MPP4: variants seen among roughly 807,000 people sequenced by gnomAD.
MPP4 encodes MAGUK p55 scaffold protein 4, also known as MAGUK p55 subfamily member 4.
In MPP4, 91 loss-of-function variants were observed where a neutral mutation model predicts 98.3. The observed-to-expected ratio is 0.93, with a 90% confidence interval of 0.78 to 1.10. The LOEUF (loss-of-function observed/expected upper bound fraction) is 1.10. Ranked by LOEUF, MPP4 falls within the 50% of genes least tolerant of loss-of-function variation. The probability of loss-of-function intolerance (pLI) is 0.00; values close to 1 mark genes in which losing one functional copy is unlikely to be tolerated. For missense variants in MPP4, 744 were observed against 792.9 expected (o/e 0.94, Z 0.74); for synonymous variants, 261 against 271.8 (o/e 0.96, Z 0.39).
At chr2:201,683,501 C>T (rs1688722955) in intron 7 of MPP4, among the ~76,000 whole-genome samples, 1 of 152,278 alleles carries the variant, frequency 6.6e-6, no homozygotes, top group East Asian at 1.9e-4. Context: ...ATAATCCTAG[C>T]ACTTTGGGAG....
chr2:201,675,476 C>T (rs926190801), intron 10 of MPP4, among the ~76,000 whole-genome samples: 2 of 152,218 alleles, frequency 1.3e-5, no homozygotes, highest in South Asian at 4.1e-4. Context: ...CTTCTTCTGC[C>T]TCACGGGATC....
chr2:201,687,496 C>G, intron 4 of MPP4, 125 bp from the exon 5 acceptor site: 3 of 657,086 alleles, frequency 4.6e-6, no homozygotes, highest in South Asian at 2.2e-5. Context: ...ATTACTGGAG[C>G]CTTCTTTTTC....
At position 201,666,320 on chromosome 2, in the gene MPP4, A is replaced by G. The variant is rs1386159396; in HGVS notation, c.1051+14T>C. The G allele has an allele frequency of 6.4e-7, 1 of 1,550,428 alleles. No homozygotes were observed. The highest frequency in any genetic ancestry group is 8.7e-7 in the Non-Finnish European group (1 of 1,146,666). Reference sequence around the variant, plus strand: ...ATTTCTTCTAACAGCAAAGCAATCAAGAGAAAATGTTACCTGCTTCCACAC... The same window carrying G: ...ATTTCTTCTAACAGCAAAGCAATCAGGAGAAAATGTTACCTGCTTCCACAC... On this transcript the variant is annotated intron_variant, in intron 13 of 21. Transcript: ENST00000409474.
At position 201,654,902 on chromosome 2, in the gene MPP4, C is replaced by T; in HGVS notation, c.1316G>A (p.Gly439Glu). ...LIVLMGPSGV[G>E]VNELRRQLIE... Reference sequence around the variant, plus strand: ...AAGTTGTCTTCTGAGCTCATTTACTCCAACACCAGAGGGTCCTAAACACAA... The same window carrying T: ...AAGTTGTCTTCTGAGCTCATTTACTTCAACACCAGAGGGTCCTAAACACAA... The change falls in exon 18 of 22, where the codon GGA becomes GAA. Residue 439 changes from glycine (G) to glutamate (E), a missense_variant. Coordinates refer to ENST00000409474, the MANE Select transcript of MPP4 (RefSeq NM_033066.3). 6.2e-7 allele frequency: 1 copy of T among 1,603,728 alleles called. No individual in the cohort carries two copies. The highest frequency in any genetic ancestry group is 1.1e-5 in the South Asian group (1 of 88,554).
chr2:201,686,699 C>T (rs930536587), intron 5 of MPP4, among the ~76,000 whole-genome samples: 4 of 152,078 alleles, frequency 2.6e-5, no homozygotes, highest in African/African-American at 7.2e-5. Flanking sequence ...TAGTGCGTGC[C>T]GTTGAGGATA....
At chr2:201,674,211 T>C (rs2105931900) in intron 11 of MPP4, among the ~76,000 whole-genome samples, 1 of 152,386 alleles carries the variant, frequency 6.6e-6, no homozygotes, top group East Asian at 1.9e-4. Flanking sequence ...TGTGTAGTTA[T>C]GCAGCCTTGC....
chr2:201,693,852 A>G, intron 2 of MPP4, 24 bp downstream of exon 2: 1 of 1,613,664 alleles, frequency 6.2e-7, no homozygotes, highest in Non-Finnish European at 8.5e-7. Flanking sequence ...TCTGGTCTAG[A>G]AAAGGAGTCC....
intron 16 of MPP4, among the ~76,000 whole-genome samples, chr2:201,656,979 G>C (rs1005463596): frequency 1.3e-5 from 2 of 152,224 alleles, no homozygotes; most frequent in Non-Finnish European, 2.9e-5. Flanking sequence ...GAAGTGGCTG[G>C]AGCCAGATCA....
intron 11 of MPP4, among the ~76,000 whole-genome samples, chr2:201,674,610 C>T (rs1203587429): frequency 6.6e-6 from 1 of 152,192 alleles, no homozygotes; most frequent in African/African-American, 2.4e-5. Flanking sequence ...AGCTTTCAAG[C>T]TGCCTTCATT....
At chr2:201,680,567 C>A (rs1230882794) in intron 10 of MPP4, 1 of 369,828 alleles carries the variant, frequency 2.7e-6, no homozygotes, top group Admixed American at 3.8e-5. Context: ...GGAGAGGACA[C>A]AAACATTCAG....
intron 11 of MPP4, 200 bp downstream of exon 11, chr2:201,675,007 A>C: frequency 1.4e-6 from 1 of 697,658 alleles, no homozygotes; most frequent in Non-Finnish European, 2.6e-6. Flanking sequence ...TGCCCACTGA[A>C]TAGCCACCAC....
chr2:201,695,956 A>C (rs974737063), intron 1 of MPP4, among the ~76,000 whole-genome samples: 32 of 152,248 alleles, frequency 2.1e-4, no homozygotes, highest in African/African-American at 7.5e-4. Context: ...TAGTTGTTAA[A>C]GACTGGAGTA....
chr2:201,652,658 C>CT (rs1687745335), intron 18 of MPP4, among the ~76,000 whole-genome samples: 1 of 152,206 alleles, frequency 6.6e-6, no homozygotes, highest in African/African-American at 2.4e-5. Context: ...CTCCACACAT[C>CT]TGGCTCAAAT....
intron 17 of MPP4, among the ~76,000 whole-genome samples, chr2:201,655,693 C>G (rs767909672): frequency 5.9e-5 from 9 of 152,220 alleles, no homozygotes; most frequent in Non-Finnish European, 1.0e-4. Context: ...AAGCAGGTCA[C>G]TCCTGCACTA....
Position 201,645,273 on chromosome 2 carries a change from C to G in MPP4, c.1851G>C (p.Lys617Asn), listed in dbSNP as rs199999140. 2.2e-5 allele frequency: 36 copies of G among 1,613,954 alleles called. No homozygotes were observed. The Admixed American group carries it at 5.8e-4, about 26-fold the overall frequency. The change falls in exon 22 of 22, where the codon AAG becomes AAC. Residue 617 changes from lysine to asparagine, a missense_variant. Coordinates refer to ENST00000409474, the MANE Select transcript of MPP4 (RefSeq NM_033066.3). ...GTACCCACTGAGGCTCCTCCTGAGC[C>G]TTCTGTATGGCAGACAACAACTGGG... ...ACAQLLSAIQKAQEEPQWVPA... is the reference protein window; with the variant it reads ...ACAQLLSAIQNAQEEPQWVPA...
At chr2:201,689,008 C>T (rs1286697090) in intron 4 of MPP4, among the ~76,000 whole-genome samples, 1 of 152,076 alleles carries the variant, frequency 6.6e-6, no homozygotes, top group Non-Finnish European at 1.5e-5. Context: ...GTAACAGCAG[C>T]TTGATTGTGT....
intron 20 of MPP4, 66 bp downstream of exon 20, chr2:201,649,510 T>C (rs1687657918): frequency 8.6e-7 from 1 of 1,165,424 alleles, no homozygotes; most frequent in Non-Finnish European, 1.3e-6. Flanking sequence ...ACCTACAGCA[T>C]GTGCACAAAA....
intron 1 of MPP4, among the ~76,000 whole-genome samples, chr2:201,696,902 C>T (rs1420158177): frequency 1.3e-5 from 2 of 152,208 alleles, no homozygotes; most frequent in Non-Finnish European, 2.9e-5. Context: ...CTTGGCTCCT[C>T]ATCTTCAGGT....
chr2:201,687,487 T>A, intron 4 of MPP4, 116 bp from the exon 5 acceptor site: 1 of 692,772 alleles, frequency 1.4e-6, no homozygotes, highest in South Asian at 2.2e-5. Context: ...TAAAAAGCTA[T>A]TACTGGAGCC....
Sources: allele counts gnomAD v4.1 joint callset (sites outside exome capture counted in the v4.1 genomes callset), GRCh38; gene constraint gnomAD v4.1.1; transcripts MANE v1.5; gene names NCBI Gene and HGNC (gene_info 2026-07-23, HGNC 2026-07-21).